Variants in STRADB observed in about 807,000 individuals in gnomAD.
The protein encoded by STRADB is STE20 related adaptor beta, also known as STE20-related kinase adapter protein beta.
Under a neutral mutation model 52.1 loss-of-function variants are expected in STRADB, and 34 were observed. The ratio of observed to expected loss-of-function variants is 0.65; its 90% confidence interval spans 0.50 to 0.87. The LOEUF (loss-of-function observed/expected upper bound fraction) is 0.87. STRADB is among the 40% of genes least tolerant of loss of function. The pLI is 0.00. For synonymous variants in STRADB, 133 were observed against 174.5 expected, an observed-to-expected ratio of 0.76 and a Z score of 1.87; for missense variants, 340 against 483.9, an observed-to-expected ratio of 0.70 and a Z score of 2.79.
chr2:201,466,652 A>G (rs1952309528), intron 3 of STRADB, among the ~76,000 whole-genome samples: 1 of 152,336 alleles, frequency 6.6e-6, no homozygotes, highest in East Asian at 1.9e-4. Context: ...TATGTCTCCT[A>G]TAACTTCGGA....
intron 3 of STRADB, among the ~76,000 whole-genome samples, chr2:201,461,747 A>G (rs1198395010): frequency 1.3e-5 from 2 of 152,090 alleles, no homozygotes; most frequent in East Asian, 3.8e-4. Context: ...AACTCAATTA[A>G]TCTTTGCCCA....
chr2:201,465,387 T>C (rs1952285201), intron 3 of STRADB, among the ~76,000 whole-genome samples: 1 of 152,116 alleles, frequency 6.6e-6, no homozygotes, highest in Admixed American at 6.5e-5. Flanking sequence ...TCTAGAAATG[T>C]TGTCCAGGAG....
intron 11 of STRADB, 104 bp downstream of exon 11, chr2:201,479,635 T>A: frequency 8.7e-7 from 1 of 1,144,050 alleles, no homozygotes; most frequent in Non-Finnish European, 1.3e-6. Context: ...AGGTTCTTAC[T>A]AATAACTTTG....
chr2:201,478,022 A>G (rs1199907430), intron 8 of STRADB, 65 bp from the exon 9 acceptor site: 1 of 1,394,730 alleles, frequency 7.2e-7, no homozygotes. Flanking sequence ...TCAAAAAAGC[A>G]CATGTGTATA....
At chr2:201,477,327 G>A (rs1283090266) in intron 7 of STRADB, among the ~76,000 whole-genome samples, 2 of 152,052 alleles carry the variant, frequency 1.3e-5, no homozygotes, top group African/African-American at 4.8e-5. Flanking sequence ...GCCTCCCAAA[G>A]TGCTGGGATT....
rs369992593 is a variant in STRADB, at chr2:201,473,062, C to G, written c.301C>G (p.Leu101Val). The part of the protein sequence containing the change: ...TNLENCNEER[L>V]KALQKAVILS... Reference sequence around the variant, plus strand: ...TCTGGAAAACTGCAATGAAGAACGCCTGAAAGCTTTACAGGTAACAATATG... The same window carrying G: ...TCTGGAAAACTGCAATGAAGAACGCGTGAAAGCTTTACAGGTAACAATATG... Residue 101 changes from leucine (L) to valine (V), a missense_variant, in exon 5 of 12, where the codon CTG (leucine) becomes GTG (valine). Coordinates refer to ENST00000194530, the MANE Select transcript of STRADB (RefSeq NM_018571.6). 2.7e-4 allele frequency: 429 copies of G among 1,612,420 alleles called. No homozygotes were observed. Among genetic ancestry groups the G allele is most frequent in the Non-Finnish European group, 3.5e-4 (412 of 1,179,580 alleles).
intron 3 of STRADB, 146 bp from the exon 4 acceptor site, chr2:201,469,807 G>C: frequency 1.7e-6 from 1 of 582,830 alleles, no homozygotes; most frequent in Non-Finnish European, 3.1e-6. Context: ...ATTCATTTTA[G>C]ATCTTAAAAC....
intron 1 of STRADB, among the ~76,000 whole-genome samples, chr2:201,452,158 C>G (rs1952052949): frequency 6.6e-6 from 1 of 151,890 alleles, no homozygotes; most frequent in Non-Finnish European, 1.5e-5. Context: ...CAGCGGGGCC[C>G]GGGCCGCGGG....
At chr2:201,453,134 T>C (rs1203533461) in intron 1 of STRADB, among the ~76,000 whole-genome samples, 1 of 151,220 alleles carries the variant, frequency 6.6e-6, no homozygotes, top group East Asian at 2.0e-4. Flanking sequence ...GGCAAAAATC[T>C]CTGAGATTAA....
chr2:201,453,364 T>A (rs1195511791), intron 1 of STRADB, among the ~76,000 whole-genome samples: 1 of 152,042 alleles, frequency 6.6e-6, no homozygotes, highest in African/African-American at 2.4e-5. Flanking sequence ...CCATAACCCT[T>A]CTGCTTGTGG....
chr2:201,478,212 T>A, intron 9 of STRADB, 21 bp downstream of exon 9: 1 of 1,603,428 alleles, frequency 6.2e-7, no homozygotes, highest in Non-Finnish European at 8.5e-7. Flanking sequence ...CTAAAATCCC[T>A]GAGCTACTTG....
chr2:201,466,540 T>G (rs1952307722), intron 3 of STRADB, among the ~76,000 whole-genome samples: 1 of 152,236 alleles, frequency 6.6e-6, no homozygotes. Context: ...TGTTGTCTTT[T>G]CTTTGGACAA....
At position 201,477,775 on chromosome 2, in the gene STRADB, A is replaced by G; in HGVS notation, c.705A>G (p.Pro235=). Residue 235 remains proline (P), a synonymous_variant, in exon 8 of 12, where the codon CCA becomes CCG. Coordinates refer to ENST00000194530, the MANE Select transcript of STRADB (RefSeq NM_018571.6). ...FSTSVQPWLS[P]ELLRQDLHGY... Reference sequence around the variant, plus strand: ...CATCAGTGCAGCCGTGGCTGAGTCCAGAACTACTGAGACAGGTCAGGTGTG... The same window carrying G: ...CATCAGTGCAGCCGTGGCTGAGTCCGGAACTACTGAGACAGGTCAGGTGTG... 5 of 1,612,934 alleles carry G rather than the reference A, an allele frequency of 3.1e-6. No individual in the cohort carries two copies. Among genetic ancestry groups the G allele is most frequent in the Non-Finnish European group, 4.2e-6 (5 of 1,178,950 alleles).
At chr2:201,479,360 A>G (rs1310889596) in intron 10 of STRADB, 129 bp from the exon 11 acceptor site, 6 of 794,546 alleles carry the variant, frequency 7.6e-6, no homozygotes, top group Non-Finnish European at 1.2e-5. Context: ...GGCTTCTGAC[A>G]TACATTCTTT....
intron 2 of STRADB, among the ~76,000 whole-genome samples, chr2:201,457,805 A>T (rs1275656246): frequency 6.6e-6 from 1 of 152,138 alleles, no homozygotes; most frequent in African/African-American, 2.4e-5. Flanking sequence ...GGAACACTTG[A>T]TTGAGGTCAG....
At chr2:201,469,567 T>C (rs1353073244) in intron 3 of STRADB, among the ~76,000 whole-genome samples, 1 of 152,242 alleles carries the variant, frequency 6.6e-6, no homozygotes, top group Non-Finnish European at 1.5e-5. Context: ...TTGTGAAATA[T>C]GGCTCTAGCT....
At chr2:201,463,617 A>G (rs962408903) in intron 3 of STRADB, among the ~76,000 whole-genome samples, 1 of 152,068 alleles carries the variant, frequency 6.6e-6, no homozygotes, top group African/African-American at 2.4e-5. Context: ...GGATACTTGG[A>G]TATTGATATC....
At chr2:201,471,554 G>A (rs186383492) in intron 4 of STRADB, among the ~76,000 whole-genome samples, 4 of 152,294 alleles carry the variant, frequency 2.6e-5, no homozygotes, top group African/African-American at 9.6e-5. Flanking sequence ...CGCAGATGAG[G>A]ATACCGAGGC....
In STRADB at chr2:201,459,337, C is replaced by T. The variant is rs1007933501; in HGVS notation, c.93+473C>T. Reference sequence around the variant, plus strand: ...CCCAGACTCTTTCCTGGGCAACAGACGTGTCTCTAGAATACCTCCAATTGG... The same window carrying T: ...CCCAGACTCTTTCCTGGGCAACAGATGTGTCTCTAGAATACCTCCAATTGG... On this transcript the variant is annotated intron_variant, in intron 3 of 11. Transcript: ENST00000194530. Among the ~76,000 whole-genome samples, 20 of 152,150 alleles carry T rather than the reference C, an allele frequency of 1.3e-4. 1 individual carries two copies. The highest frequency in any genetic ancestry group is 4.8e-4 in the African/African-American group (20 of 41,428).
Sources: gnomAD v4.1 joint callset for allele counts (sites outside exome capture counted in the v4.1 genomes callset) on GRCh38, gnomAD v4.1.1 for gene constraint, MANE v1.5 for transcripts, NCBI Gene and HGNC (gene_info 2026-07-23, HGNC 2026-07-21) for gene names.